The following AASS variants were observed in gnomAD, a reference collection of about 807,000 sequenced individuals.
AASS encodes the protein aminoadipate-semialdehyde synthase, also known as alpha-aminoadipic semialdehyde synthase, mitochondrial.
In AASS, 86 loss-of-function variants were observed where a neutral mutation model predicts 105.4. The ratio of observed to expected loss-of-function variants is 0.82; its 90% CI spans 0.69 to 0.98. The LOEUF (loss-of-function observed/expected upper bound fraction) is 0.98. AASS is among the 50% of genes least tolerant of loss of function. The pLI is 0.00. For synonymous variants in AASS, 381 were observed against 394.8 expected, an observed-to-expected ratio of 0.96 and a Z score of 0.41; for missense variants, 1,048 against 1,143.2, an observed-to-expected ratio of 0.92 and a Z score of 1.20.
intron 17 of AASS, among the ~76,000 whole-genome samples, chr7:122,092,580 C>T (rs531118524): frequency 2.6e-5 from 4 of 152,008 alleles, no homozygotes; most frequent in Non-Finnish European, 5.9e-5. Context: ...CAAAATTAGC[C>T]GGGCATGGTG....
chr7:122,089,324 CAG>C (rs1793785486), intron 18 of AASS, among the ~76,000 whole-genome samples: 1 of 152,198 alleles, frequency 6.6e-6, no homozygotes, highest in East Asian at 1.9e-4. Context: ...TAATAGTGAA[CAG>C]AGGCTGGAGT....
intron 17 of AASS, 76 bp downstream of exon 17, chr7:122,092,767 T>C: frequency 8.1e-7 from 1 of 1,231,194 alleles, no homozygotes; most frequent in Non-Finnish European, 1.2e-6. Flanking sequence ...TGTTGCTATA[T>C]TATAACTCAT....
intron 15 of AASS, among the ~76,000 whole-genome samples, chr7:122,094,718 A>G (rs981306445): frequency 3.9e-5 from 6 of 152,140 alleles, no homozygotes; most frequent in African/African-American, 9.7e-5. Context: ...TGAAAACCCA[A>G]TCAAAGTTGA....
intron 1 of AASS, among the ~76,000 whole-genome samples, chr7:122,142,286 A>C (rs1177296452): frequency 6.6e-6 from 1 of 152,170 alleles, no homozygotes; most frequent in Non-Finnish European, 1.5e-5. Flanking sequence ...ATAAACAATA[A>C]ATTTTAAGAA....
intron 6 of AASS, among the ~76,000 whole-genome samples, chr7:122,118,086 CATACACACACACATATAT>C (rs1795271127): frequency 6.6e-6 from 1 of 152,078 alleles, no homozygotes; most frequent in Admixed American, 6.6e-5. Flanking sequence ...TACACTTACA[CATACACACACACATATAT>C]ATACACACAC....
At chr7:122,126,031 C>T (rs1030474124) in intron 4 of AASS, among the ~76,000 whole-genome samples, 2 of 152,040 alleles carry the variant, frequency 1.3e-5, no homozygotes, top group Non-Finnish European at 2.9e-5. Flanking sequence ...GCCCCTGGAC[C>T]TTTTTTCCCT....
chr7:122,094,101 A>G (rs928684291), intron 15 of AASS, among the ~76,000 whole-genome samples: 3 of 152,096 alleles, frequency 2.0e-5, no homozygotes, highest in Non-Finnish European at 4.4e-5. Context: ...GAGGGAAGAG[A>G]TAAGAAGTGG....
chr7:122,114,656 G>A (rs969057182), intron 9 of AASS, among the ~76,000 whole-genome samples: 5 of 152,124 alleles, frequency 3.3e-5, no homozygotes, highest in Non-Finnish European at 2.9e-5. Flanking sequence ...TAGAGATAGA[G>A]ATGAGAATGG....
chr7:122,079,613 A>G lies in AASS; in HGVS notation c.2380T>C (p.Leu794=). ...LKKLGGDNTQ[L]EAAEWLGLLG... The stretch of plus-strand genomic sequence containing the variant: ...GGTGCCTACCATTCAGCAGCCTCCA[A>G]CTGGGTATTGTCTCCTCCTAGTTTC... Residue 794 remains leucine (L), a synonymous_variant, in exon 21 of 24, where the codon TTG becomes CTG. Transcript: ENST00000417368. 1.2e-6 allele frequency: 2 copies of G among 1,613,470 alleles called. No individual in the cohort carries two copies. Among genetic ancestry groups the G allele is most frequent in the East Asian group, 2.2e-5 (1 of 44,856 alleles).
chr7:122,092,887 A>C lies in AASS; in HGVS notation c.1831T>G (p.Leu611Val), dbSNP rs1418119154. Residue 611 changes from leucine (L) to valine (V), a missense_variant, in exon 17 of 24, where the codon TTA becomes GTA. Transcript: ENST00000417368. The part of the protein sequence containing the change: ...LGLDPGLDHM[L>V]AMETIDKAKE... ...GCTTTATCTATTGTTTCCATTGCTAACATGTGATCCAGACCAGGGTCCAAT... is the reference window on the plus strand; with the variant it reads ...GCTTTATCTATTGTTTCCATTGCTACCATGTGATCCAGACCAGGGTCCAAT... 2.5e-6 allele frequency: 4 copies of C among 1,613,856 alleles called. No individual in the cohort carries two copies. The Admixed American group carries it at 6.7e-5, about 27-fold the overall frequency.
rs538250036 is a variant in AASS at position 122,136,015 on chromosome 7, G to C, written c.-15-2274C>G. The stretch of plus-strand genomic sequence containing the variant: ...CAAATGTCATTTCAGATGATGATTT[G>C]CTGGATCATTTGAATGATAAAACTT... On this transcript the variant is annotated intron_variant, in intron 1 of 23. Transcript: ENST00000417368. Among the ~76,000 whole-genome samples the C allele has an allele frequency of 3.9e-5, 6 of 152,262 alleles. No individual in the cohort carries two copies. In the East Asian group the frequency reaches 5.8e-4, roughly 15 times the overall value.
intron 19 of AASS, among the ~76,000 whole-genome samples, chr7:122,084,206 C>A (rs1793512775): frequency 6.6e-6 from 1 of 151,858 alleles, no homozygotes; most frequent in Admixed American, 6.6e-5. Flanking sequence ...TTCTACTGTG[C>A]CTAAAGGCTG....
chr7:122,082,977 C>T (rs1793442184), intron 19 of AASS: 1 of 774,888 alleles, frequency 1.3e-6, no homozygotes, highest in Non-Finnish European at 1.9e-6. Context: ...CCCCAGTGTG[C>T]AAATGGGAAG....
intron 21 of AASS, chr7:122,079,243 C>T (rs762791713): frequency 5.0e-5 from 68 of 1,362,374 alleles, no homozygotes; most frequent in East Asian, 1.5e-4. Flanking sequence ...GGTTAGTTCT[C>T]CAACATTAGG....
chr7:122,105,673 A>C (rs1046417644), intron 11 of AASS, among the ~76,000 whole-genome samples: 1 of 152,094 alleles, frequency 6.6e-6, no homozygotes, highest in African/African-American at 2.4e-5. Context: ...AAATTTCTAG[A>C]GACAAATGAA....
intron 13 of AASS, among the ~76,000 whole-genome samples, chr7:122,099,701 C>G (rs1794336027): frequency 6.6e-6 from 1 of 151,818 alleles, no homozygotes; most frequent in Non-Finnish European, 1.5e-5. Context: ...CTGAAGTAGG[C>G]TCTGTTATTT....
chr7:122,128,812 C>T (rs912840109), intron 3 of AASS, among the ~76,000 whole-genome samples: 5 of 152,136 alleles, frequency 3.3e-5, no homozygotes, highest in African/African-American at 1.2e-4. Context: ...GGCACGGTGG[C>T]TCATGCCTGT....
chr7:122,084,773 C>A (rs148283309), intron 19 of AASS, among the ~76,000 whole-genome samples: 32 of 152,054 alleles, frequency 2.1e-4, no homozygotes, highest in African/African-American at 6.8e-4. Context: ...CTGACAGGTC[C>A]ATGTGCCTTA....
At chr7:122,084,443 A>G (rs1316435909) in intron 19 of AASS, among the ~76,000 whole-genome samples, 1 of 152,238 alleles carries the variant, frequency 6.6e-6, no homozygotes, top group African/African-American at 2.4e-5. Flanking sequence ...AGAGTAAGAA[A>G]TATAGTGGTT....
Sources: allele counts gnomAD v4.1 joint callset (sites outside exome capture counted in the v4.1 genomes callset), GRCh38; gene constraint gnomAD v4.1.1; transcripts MANE v1.5; gene names NCBI Gene and HGNC (gene_info 2026-07-23, HGNC 2026-07-21).